PTPRG: variants seen among roughly 807,000 people sequenced by gnomAD.
PTPRG encodes the protein receptor-type tyrosine-protein phosphatase gamma.
PTPRG carries 102 observed loss-of-function variants against 165.3 expected under a neutral mutation model. The ratio of observed to expected loss-of-function variants is 0.62; its 90% CI spans 0.53 to 0.73. The LOEUF is 0.73. Ranked by LOEUF, PTPRG falls within the 30% of genes least tolerant of loss-of-function variation. The pLI is 0.00. For missense variants in PTPRG, 1,866 were observed against 1,861.4 expected (o/e 1.00, Z -0.05); for synonymous variants, 675 against 669.5 (o/e 1.01, Z -0.13).
intron 2 of PTPRG, among the ~76,000 whole-genome samples, chr3:61,906,954 G>A (rs549346482): frequency 6.4e-4 from 97 of 152,136 alleles, no homozygotes; most frequent in African/African-American, 2.2e-3. Flanking sequence ...AGGAAAGAGC[G>A]ATATTTTTAT....
chr3:61,655,251 C>T (rs1172298553), intron 1 of PTPRG, among the ~76,000 whole-genome samples: 1 of 152,156 alleles, frequency 6.6e-6, no homozygotes, highest in Admixed American at 6.5e-5. Context: ...GTATGATTTC[C>T]TCTCTCTTCT....
intron 1 of PTPRG, among the ~76,000 whole-genome samples, chr3:61,664,195 A>G (rs1702744704): frequency 6.6e-6 from 1 of 152,180 alleles, no homozygotes; most frequent in Non-Finnish European, 1.5e-5. Flanking sequence ...TAAGTGGATT[A>G]TTGCCAAGTT....
At chr3:62,079,999 A>T (rs1311567215) in intron 5 of PTPRG, among the ~76,000 whole-genome samples, 1 of 151,734 alleles carries the variant, frequency 6.6e-6, no homozygotes, top group Non-Finnish European at 1.5e-5. Context: ...TATGAACAGA[A>T]GTATGTTCTG....
chr3:62,063,540 A>G (rs1054798081), intron 4 of PTPRG, among the ~76,000 whole-genome samples: 1 of 152,232 alleles, frequency 6.6e-6, no homozygotes, highest in Non-Finnish European at 1.5e-5. Context: ...TATAGTGCAC[A>G]GTGTAATTTT....
At chr3:61,633,219 A>G (rs561079023) in intron 1 of PTPRG, among the ~76,000 whole-genome samples, 2 of 152,234 alleles carry the variant, frequency 1.3e-5, no homozygotes, top group East Asian at 3.9e-4. Flanking sequence ...TGTATTCCCA[A>G]CTGGAGTGTG....
intron 1 of PTPRG, among the ~76,000 whole-genome samples, chr3:61,565,243 T>C (rs1699881839): frequency 6.6e-6 from 1 of 152,194 alleles, no homozygotes. Context: ...TGTGGCAGGT[T>C]TGGGATCCAT....
intron 2 of PTPRG, among the ~76,000 whole-genome samples, chr3:61,969,444 A>G (rs1288284365): frequency 1.3e-5 from 2 of 152,230 alleles, no homozygotes; most frequent in South Asian, 2.1e-4. Context: ...AAATAATACA[A>G]TCTTTTGGGT....
At chr3:61,975,895 C>CT (rs566869985) in intron 2 of PTPRG, among the ~76,000 whole-genome samples, 151 of 152,216 alleles carry the variant, frequency 9.9e-4, no homozygotes, top group African/African-American at 3.5e-3. Flanking sequence ...CTGATTTGCT[C>CT]TTTTTTATAT....
chr3:61,702,196 C>G (rs895510180), intron 1 of PTPRG, among the ~76,000 whole-genome samples: 4 of 152,114 alleles, frequency 2.6e-5, no homozygotes, highest in African/African-American at 7.2e-5. Flanking sequence ...CCAGGCTGTT[C>G]TTGAACTGCT....
At chr3:61,793,111 A>G (rs1383158345) in intron 2 of PTPRG, among the ~76,000 whole-genome samples, 1 of 152,164 alleles carries the variant, frequency 6.6e-6, no homozygotes, top group African/African-American at 2.4e-5. Context: ...ATGATTGTGA[A>G]TATTGGATGC....
rs149184547 is a variant in PTPRG, at chr3:61,575,659, C to T, written c.85+13287C>T. Reference sequence around the variant, plus strand: ...CTTTGTCACCCAGACTGTTCAGTGGCGCACTTTCGGCTCGCTGAAACCTCT... The same window carrying T: ...CTTTGTCACCCAGACTGTTCAGTGGTGCACTTTCGGCTCGCTGAAACCTCT... On this transcript the variant is annotated intron_variant, in intron 1 of 29. Coordinates refer to ENST00000474889, the MANE Select transcript of PTPRG (RefSeq NM_002841.4). 1.4e-3 allele frequency among the ~76,000 whole-genome samples: 193 copies of T among 139,632 alleles called. 1 individual carries two copies. Among genetic ancestry groups the T allele is most frequent in the African/African-American group, 5.0e-3 (181 of 36,206 alleles). The allele number at this position is 139,632 out of a possible 152,430, so 91.6% of individuals were successfully genotyped here.
At position 61,724,809 on chromosome 3, in the gene PTPRG, T is replaced by C. The variant is rs139795799; in HGVS notation, c.86-24069T>C. On this transcript the variant is annotated intron_variant, in intron 1 of 29. Coordinates refer to ENST00000474889, the MANE Select transcript of PTPRG (RefSeq NM_002841.4). ...TCTTTGTGTCTTTTGCCCACTTTCT[T>C]ATTGGATTTCTTTTTACTGTTGAGT... Among the ~76,000 whole-genome samples the C allele has an allele frequency of 2.8e-3, 420 of 152,248 alleles. 3 individuals are homozygous for C. The highest frequency in any genetic ancestry group is 9.0e-3 in the African/African-American group (374 of 41,544).
rs1700131596 is a variant in PTPRG, at chr3:62,203,036, G to T, written c.1378-137G>T. The T allele has an allele frequency of 1.4e-6, 2 of 1,410,338 alleles. No homozygotes were observed. Among genetic ancestry groups the T allele is most frequent in the Non-Finnish European group, 1.9e-6 (2 of 1,066,662 alleles). 87.4% of individuals were successfully genotyped at this position (1,410,338 alleles called of 1,614,324 possible). A position where few individuals can be genotyped will look rare whatever the true frequency, so the allele number is the denominator to read the frequency against. ...TAATGTCAACTTTATGCCATACATT[G>T]GAAAACTCCATAGCATAGATGAGTA... On this transcript the variant is annotated intron_variant, in intron 11 of 29. Transcript: ENST00000474889. The surrounding 1 kb of genome is among the most constrained non-coding windows in gnomAD (Gnocchi z 6.4).
In PTPRG at chr3:62,237,086, T is replaced by C. The variant is rs924388545; in HGVS notation, c.2375+5775T>C. ...TTCAGCACTTTGCTTCTGAAAAATA[T>C]TGGTCACTAAATTATTTCCAGGTTC... On this transcript the variant is annotated intron_variant, in intron 14 of 29. Coordinates refer to ENST00000474889, the MANE Select transcript of PTPRG (RefSeq NM_002841.4). This position sits in a 1 kb window ranked among gnomAD's most constrained non-coding sequence, Gnocchi z 4.5. Among the ~76,000 whole-genome samples, 1 of 152,152 alleles carries C rather than the reference T, an allele frequency of 6.6e-6. No homozygotes were observed. The highest frequency in any genetic ancestry group is 1.5e-5 in the Non-Finnish European group (1 of 68,022).
chr3:62,213,451 A>T lies in PTPRG; in HGVS notation c.2156-5400A>T, dbSNP rs1475871871. 6.6e-6 allele frequency among the ~76,000 whole-genome samples: 1 copy of T among 152,200 alleles called. No homozygotes were observed. The highest frequency in any genetic ancestry group is 1.5e-5 in the Non-Finnish European group (1 of 68,036). On this transcript the variant is annotated intron_variant, in intron 12 of 29. Transcript: ENST00000474889. This position sits in a 1 kb window ranked among gnomAD's most constrained non-coding sequence, Gnocchi z 4.4. ...TTTTGCATTTGGTCCTATAAGTTACATAGCCATAACTTACATAGTCTGTTT... is the reference window on the plus strand; with the variant it reads ...TTTTGCATTTGGTCCTATAAGTTACTTAGCCATAACTTACATAGTCTGTTT...
chr3:62,104,441 G>A (rs1359531430), intron 5 of PTPRG, among the ~76,000 whole-genome samples: 2 of 152,132 alleles, frequency 1.3e-5, no homozygotes, highest in East Asian at 1.9e-4. Flanking sequence ...TCTACCTAAG[G>A]ACTTTCAGCC....
intron 4 of PTPRG, among the ~76,000 whole-genome samples, chr3:62,058,867 G>A (rs1700715786): frequency 6.6e-6 from 1 of 152,182 alleles, no homozygotes; most frequent in African/African-American, 2.4e-5. Flanking sequence ...CAAGGGAAGG[G>A]CTCTTTTCTT....
chr3:61,686,547 G>A (rs1703638402), intron 1 of PTPRG, among the ~76,000 whole-genome samples: 1 of 152,208 alleles, frequency 6.6e-6, no homozygotes, highest in Non-Finnish European at 1.5e-5. Context: ...CCCCAGGTGT[G>A]TGCCCCACAG....
At chr3:62,171,296 G>C (rs918381979) in intron 8 of PTPRG, among the ~76,000 whole-genome samples, 1 of 152,146 alleles carries the variant, frequency 6.6e-6, no homozygotes, top group Non-Finnish European at 1.5e-5. Context: ...GCATCCTAGA[G>C]TACACATATT....
Sources: gnomAD v4.1 joint callset for allele counts (sites outside exome capture counted in the v4.1 genomes callset) on GRCh38, gnomAD v4.1.1 for gene constraint, Gnocchi (gnomAD v3.1) non-coding constraint, MANE v1.5 for transcripts, NCBI Gene and HGNC (gene_info 2026-07-23, HGNC 2026-07-21) for gene names.